The following PDSS2 variants were observed in gnomAD, a reference collection of about 807,000 sequenced individuals.
PDSS2 encodes decaprenyl diphosphate synthase subunit 2, also known as all trans-polyprenyl-diphosphate synthase PDSS2.
A neutral mutation model predicts 44.5 loss-of-function variants in PDSS2; 31 were observed. The observed-to-expected ratio is 0.70, with a 90% CI of 0.52 to 0.94. PDSS2 has a LOEUF of 0.94. Ranked by LOEUF, PDSS2 falls within the 40% of genes least tolerant of loss-of-function variation. PDSS2 has a pLI of 0.00. For synonymous variants in PDSS2, 157 were observed against 180.3 expected, an observed-to-expected ratio of 0.87 and a Z score of 1.03; for missense variants, 452 against 482.2, an observed-to-expected ratio of 0.94 and a Z score of 0.59.
At chr6:107,443,526 G>C (rs1781572174) in intron 1 of PDSS2, among the ~76,000 whole-genome samples, 1 of 152,154 alleles carries the variant, frequency 6.6e-6, no homozygotes, top group Non-Finnish European at 1.5e-5. Flanking sequence ...TAAAAAAAAT[G>C]TATAGTTGGT....
intron 1 of PDSS2, among the ~76,000 whole-genome samples, chr6:107,367,395 T>C (rs891500474): frequency 1.3e-5 from 2 of 152,010 alleles, no homozygotes; most frequent in Middle Eastern, 3.2e-3. Context: ...TAACATAAAA[T>C]GAAAGACTGA....
chr6:107,204,596 T>G (rs1475440900), intron 6 of PDSS2, among the ~76,000 whole-genome samples: 1 of 152,184 alleles, frequency 6.6e-6, no homozygotes, highest in Non-Finnish European at 1.5e-5. Context: ...TTTTCATGGT[T>G]TCCTTTGCCT....
chr6:107,328,581 C>CT (rs1213259848), intron 2 of PDSS2, among the ~76,000 whole-genome samples: 1 of 152,110 alleles, frequency 6.6e-6, no homozygotes, highest in Non-Finnish European at 1.5e-5. Context: ...CAGCCTGAAA[C>CT]TGTTATTTCT....
intron 3 of PDSS2, among the ~76,000 whole-genome samples, chr6:107,247,112 G>A (rs1175176851): frequency 2.0e-5 from 3 of 152,130 alleles, no homozygotes; most frequent in African/African-American, 7.2e-5. Context: ...GTAACTAAAC[G>A]CACAGCATCA....
chr6:107,215,514 G>A (rs1773380419), intron 4 of PDSS2, among the ~76,000 whole-genome samples: 1 of 152,186 alleles, frequency 6.6e-6, no homozygotes, highest in African/African-American at 2.4e-5. Flanking sequence ...AATGTCAGGA[G>A]TAAGACAGAG....
At chr6:107,221,199 G>C (rs1225870919) in intron 4 of PDSS2, among the ~76,000 whole-genome samples, 1 of 152,090 alleles carries the variant, frequency 6.6e-6, no homozygotes, top group East Asian at 1.9e-4. Context: ...AAAATTAGCT[G>C]GGAGTAGTGG....
In PDSS2 at chr6:107,459,108, C is replaced by T. The variant is rs776915681; in HGVS notation, c.178G>A (p.Val60Met). The T allele has an allele frequency of 6.2e-7, 1 of 1,614,094 alleles. No homozygotes were observed. The highest frequency in any genetic ancestry group is 8.5e-7 in the Non-Finnish European group (1 of 1,180,032). The change falls in exon 1 of 8, where the codon GTG becomes ATG. Residue 60 changes from valine to methionine, a missense_variant. By Grantham distance (21) the Val-to-Met change is conservative (BLOSUM62 1). Coordinates refer to ENST00000369037, the MANE Select transcript of PDSS2 (RefSeq NM_020381.4). This position sits in a 1 kb window ranked among gnomAD's most constrained non-coding sequence, Gnocchi z 4.3. ...NQVVSEAEKI[V>M]GYPTSFMSLR... ...CTCATGAAGGACGTGGGGTACCCCA[C>T]GATCTTCTCCGCCTCTGACACTACC...
chr6:107,336,178 C>A (rs999749831), intron 1 of PDSS2, among the ~76,000 whole-genome samples: 3 of 151,072 alleles, frequency 2.0e-5, no homozygotes, highest in Non-Finnish European at 4.4e-5. Flanking sequence ...TCGCTTGAAT[C>A]CAGGAGGTAG....
At chr6:107,177,940 G>C (rs901131229) in intron 7 of PDSS2, among the ~76,000 whole-genome samples, 1 of 152,136 alleles carries the variant, frequency 6.6e-6, no homozygotes, top group East Asian at 1.9e-4. Context: ...GGGTATTTGA[G>C]GAATATATAA....
chr6:107,323,866 C>T (rs565330376), intron 2 of PDSS2, among the ~76,000 whole-genome samples: 10 of 152,158 alleles, frequency 6.6e-5, no homozygotes, highest in Admixed American at 1.3e-4. Context: ...ATTTATGCAG[C>T]TTGTGTTTTG....
At chr6:107,400,280 G>A (rs1224450506) in intron 1 of PDSS2, among the ~76,000 whole-genome samples, 5 of 152,154 alleles carry the variant, frequency 3.3e-5, no homozygotes, top group Admixed American at 2.6e-4. Flanking sequence ...ACACATGGAT[G>A]CCTACCAACC....
chr6:107,336,025 GT>G, intron 1 of PDSS2, among the ~76,000 whole-genome samples: 1 of 119,136 alleles, frequency 8.4e-6, no homozygotes, highest in African/African-American at 3.1e-5. Flanking sequence ...GGGGTGGGGG[GT>G]GGGGCATCAC....
At chr6:107,165,092 A>C (rs1771294034) in intron 7 of PDSS2, among the ~76,000 whole-genome samples, 1 of 151,922 alleles carries the variant, frequency 6.6e-6, no homozygotes. Context: ...AGATTGGAAA[A>C]ATTTTCTCCC....
intron 3 of PDSS2, among the ~76,000 whole-genome samples, chr6:107,252,749 T>TG (rs1396453080): frequency 6.6e-6 from 1 of 152,162 alleles, no homozygotes; most frequent in East Asian, 1.9e-4. Flanking sequence ...GGCAATATAG[T>TG]GAGATACCCA....
intron 1 of PDSS2, among the ~76,000 whole-genome samples, chr6:107,449,903 A>G (rs1318355419): frequency 2.0e-5 from 3 of 152,144 alleles, no homozygotes; most frequent in Admixed American, 6.5e-5. Context: ...ATAATATTCC[A>G]TGGTAATATA....
chr6:107,381,469 A>G (rs1208324539), intron 1 of PDSS2, among the ~76,000 whole-genome samples: 1 of 152,174 alleles, frequency 6.6e-6, no homozygotes, highest in Non-Finnish European at 1.5e-5. Context: ...TTTTCTTAAG[A>G]TGCTGCTTAT....
At chr6:107,233,183 A>G (rs991102061) in intron 4 of PDSS2, among the ~76,000 whole-genome samples, 1 of 152,126 alleles carries the variant, frequency 6.6e-6, no homozygotes, top group Admixed American at 6.5e-5. Flanking sequence ...TACATCTTCC[A>G]AGAAGCTCCC....
chr6:107,299,644 A>T (rs1451581133), intron 2 of PDSS2, among the ~76,000 whole-genome samples: 1 of 152,180 alleles, frequency 6.6e-6, no homozygotes, highest in African/African-American at 2.4e-5. Flanking sequence ...AAGAGCTTCT[A>T]TGAAGAATGC....
In PDSS2 at chr6:107,250,323, C is replaced by T. The variant is rs543202325; in HGVS notation, c.631-4704G>A. Among the ~76,000 whole-genome samples, 222 of 152,054 alleles carry T rather than the reference C, an allele frequency of 1.5e-3. 1 individual carries two copies. The highest frequency in any genetic ancestry group is 2.9e-3 in the Admixed American group (44 of 15,264). On this transcript the variant is annotated intron_variant, in intron 3 of 7. Coordinates refer to ENST00000369037, the MANE Select transcript of PDSS2 (RefSeq NM_020381.4). Reference sequence around the variant, plus strand: ...TGAGGTCAATCTATGTGTTTATATACACAAGAGAAAAAGTCTGAAAGGAGA... The same window carrying T: ...TGAGGTCAATCTATGTGTTTATATATACAAGAGAAAAAGTCTGAAAGGAGA...
Sources: gnomAD v4.1 joint callset for allele counts (sites outside exome capture counted in the v4.1 genomes callset) on GRCh38, gnomAD v4.1.1 for gene constraint, Gnocchi (gnomAD v3.1) non-coding constraint, MANE v1.5 for transcripts, NCBI Gene and HGNC (gene_info 2026-07-23, HGNC 2026-07-21) for gene names.